Variants in TXNRD2 observed in about 807,000 individuals in gnomAD.
TXNRD2 encodes thioredoxin reductase 2.
A neutral mutation model predicts 70.8 loss-of-function variants in TXNRD2; 67 were observed. That is an observed-to-expected ratio of 0.95 (90% CI 0.78 to 1.16). TXNRD2 has a LOEUF of 1.16. Among genes scored for constraint, TXNRD2 ranks in the 50% most tolerant of loss-of-function variants. TXNRD2 has a pLI of 0.00. For synonymous variants in TXNRD2, 301 were observed against 295.8 expected, an observed-to-expected ratio of 1.02 and a Z score of -0.18; for missense variants, 644 against 719.9, an observed-to-expected ratio of 0.89 and a Z score of 1.21.
At position 19,915,097 on chromosome 22, in the gene TXNRD2, TA is replaced by T; in HGVS notation, c.591+116del. 6.5e-6 allele frequency: 6 copies of T among 921,236 alleles called. No homozygotes were observed. The Admixed American group carries it at 8.0e-5, about 12-fold the overall frequency. 57.1% of individuals were successfully genotyped at this position (921,236 alleles called of 1,614,324 possible). A position where few individuals can be genotyped will look rare whatever the true frequency, so the allele number is the denominator to read the frequency against. The stretch of plus-strand genomic sequence containing the variant: ...AAGCAGAAAGTGATGATAGTGAGTA[TA>T]GGGGGAAAGGGTGTGCAAGCTGCTG... On this transcript the variant is annotated intron_variant, in intron 7 of 17. Transcript: ENST00000400521.
chr22:19,909,972 C>CAA (rs1940332267), intron 8 of TXNRD2, among the ~76,000 whole-genome samples: 1 of 140,542 alleles, frequency 7.1e-6, no homozygotes, highest in East Asian at 2.1e-4. Flanking sequence ...ACACACACAC[C>CAA]ACACACACCA....
At position 19,883,394 on chromosome 22, in the gene TXNRD2, C is replaced by G; in HGVS notation, c.1017G>C (p.Gln339His). The G allele has an allele frequency of 6.2e-7, 1 of 1,614,080 alleles. No homozygotes were observed. Among genetic ancestry groups the G allele is most frequent in the Non-Finnish European group, 8.5e-7 (1 of 1,180,034 alleles). ...KAGVDTSPDTQKILVDSREAT... is the reference protein window; with the variant it reads ...KAGVDTSPDTHKILVDSREAT... Reference sequence around the variant, plus strand: ...CTTCCCGGGAGTCCACCAGGATCTTCTGAGTGTCGGGGCTAGTATCTACCC... The same window carrying G: ...CTTCCCGGGAGTCCACCAGGATCTTGTGAGTGTCGGGGCTAGTATCTACCC... Residue 339 changes from glutamine to histidine, a missense_variant, in exon 12 of 18, where the codon CAG (glutamine) becomes CAC (histidine). Physicochemically the swap from Gln to His is conservative, Grantham distance 24 (BLOSUM62 0). Coordinates refer to ENST00000400521, the MANE Select transcript of TXNRD2 (RefSeq NM_006440.5).
chr22:19,898,038 C>A lies in TXNRD2; in HGVS notation c.774+1G>T. ...GCGGGAGCTGGGGCCTCCAGCACTA[C>A]CTGGTCGAAGCCGCGGAGGGGGATG... is the stretch of plus-strand genomic sequence containing the variant. On this transcript the variant is annotated splice_donor_variant, in intron 10 of 17. Coordinates refer to ENST00000400521, the MANE Select transcript of TXNRD2 (RefSeq NM_006440.5). LOFTEE classifies it high-confidence loss of function. The A allele has an allele frequency of 6.4e-7, 1 of 1,553,512 alleles. No homozygotes were observed. The highest frequency in any genetic ancestry group is 2.4e-5 in the East Asian group (1 of 41,108).
In TXNRD2 at chr22:19,931,067, G is replaced by GACC. The variant is rs776261862; in HGVS notation, c.132_134dup (p.Val45dup). ...AAGCCAGGCCACCAGATCCCCCGCC[G>GACC]ACCACCAGGAGATCATAGTCCCGCT... is the stretch of plus-strand genomic sequence containing the variant. On this transcript the variant is annotated inframe_insertion, in exon 2 of 18. Transcript: ENST00000400521. 14 of 1,613,574 alleles carry GACC rather than the reference G, an allele frequency of 8.7e-6. No individual in the cohort carries two copies. The South Asian group carries it at 1.2e-4, about 14-fold the overall frequency.
intron 2 of TXNRD2, among the ~76,000 whole-genome samples, chr22:19,930,437 G>T (rs1941313996): frequency 6.6e-6 from 1 of 152,176 alleles, no homozygotes; most frequent in Non-Finnish European, 1.5e-5. Flanking sequence ...CATCACGTGG[G>T]TTAGCAGAGA....
chr22:19,925,456 A>G (rs1330320922), intron 2 of TXNRD2, among the ~76,000 whole-genome samples: 1 of 151,952 alleles, frequency 6.6e-6, no homozygotes, highest in Non-Finnish European at 1.5e-5. Context: ...GATCCTCACA[A>G]AGGAATGAAG....
chr22:19,880,471 C>T (rs890720972), intron 13 of TXNRD2, 151 bp downstream of exon 13: 21 of 854,068 alleles, frequency 2.5e-5, no homozygotes, highest in African/African-American at 5.0e-5. Context: ...TGCACACACA[C>T]GTGTGTACAA....
At chr22:19,913,561 G>C (rs2146031695) in intron 7 of TXNRD2, among the ~76,000 whole-genome samples, 1 of 152,342 alleles carries the variant, frequency 6.6e-6, no homozygotes, top group African/African-American at 2.4e-5. Context: ...TGCCTGAGGG[G>C]ATAGGTAACA....
At chr22:19,918,007 C>T (rs1015632096) in intron 5 of TXNRD2, 136 bp downstream of exon 5, 2 of 753,478 alleles carry the variant, frequency 2.7e-6, no homozygotes, top group South Asian at 1.5e-5. Context: ...TTGTCCTCAT[C>T]CCCACCCATG....
In TXNRD2 at chr22:19,919,610, A is replaced by G. The variant is rs1300017242; in HGVS notation, c.173-11T>C. On this transcript the variant is annotated splice_polypyrimidine_tract_variant and intron_variant, in intron 2 of 17. Transcript: ENST00000400521. ...TTCCCAGCTGGGCGGCTGGAAGGAT[A>G]AGGAGAGCAGCAGGTGAGCATGGGG... 3.2e-6 allele frequency: 5 copies of G among 1,556,732 alleles called. No homozygotes were observed. The highest frequency in any genetic ancestry group is 4.3e-6 in the Non-Finnish European group (5 of 1,150,672).
intron 12 of TXNRD2, among the ~76,000 whole-genome samples, chr22:19,882,373 A>C (rs180974706): frequency 4.5e-4 from 69 of 152,082 alleles, no homozygotes; most frequent in Non-Finnish European, 8.1e-4. Context: ...TAATTTTTGT[A>C]TTTTTTTAGT....
chr22:19,905,316 A>G (rs1279029685), intron 8 of TXNRD2, among the ~76,000 whole-genome samples: 2 of 152,218 alleles, frequency 1.3e-5, no homozygotes, highest in African/African-American at 4.8e-5. Flanking sequence ...TAAACGAAAG[A>G]GCTTTAAAAA....
intron 2 of TXNRD2, among the ~76,000 whole-genome samples, chr22:19,926,945 A>G (rs949479814): frequency 3.3e-5 from 5 of 152,204 alleles, no homozygotes; most frequent in African/African-American, 9.6e-5. Flanking sequence ...ATGTTCTTGA[A>G]TAACACAGGT....
chr22:19,912,397 C>G (rs1221935862), intron 7 of TXNRD2, among the ~76,000 whole-genome samples: 2 of 151,948 alleles, frequency 1.3e-5, no homozygotes, highest in African/African-American at 4.8e-5. Context: ...TGCCTGCCTC[C>G]TAAGGACCAG....
intron 7 of TXNRD2, chr22:19,914,756 T>C (rs1940559323): frequency 3.8e-6 from 1 of 260,284 alleles, no homozygotes; most frequent in Non-Finnish European, 7.6e-6. Flanking sequence ...GTGAATGTAC[T>C]AAAAACCACT....
chr22:19,908,920 G>A (rs1940191456), intron 8 of TXNRD2, among the ~76,000 whole-genome samples: 1 of 152,110 alleles, frequency 6.6e-6, no homozygotes, highest in Non-Finnish European at 1.5e-5. Flanking sequence ...AATGGTTAAC[G>A]TGGGCTGGGC....
chr22:19,919,561 C>T lies in TXNRD2; in HGVS notation c.211G>A (p.Val71Met), dbSNP rs867369272. ...LGRKVAVVDY[V>M]EPSPQGTRWG... ...TGCCTACCTTGGGGAGAAGGTTCCA[C>T]GTAGTCCACCACGGCCACCTTCCTT... The change falls in exon 3 of 18, where the codon GTG (valine) becomes ATG (methionine). Residue 71 changes from valine (V) to methionine (M), a missense_variant. This residue lies in a region of TXNRD2 where 566 missense variants were observed against 645.0 expected (regional missense o/e 0.88). Coordinates refer to ENST00000400521, the MANE Select transcript of TXNRD2 (RefSeq NM_006440.5). 10 of 1,563,088 alleles carry T rather than the reference C, an allele frequency of 6.4e-6. No individual in the cohort carries two copies. In the Admixed American group the frequency reaches 9.6e-5, roughly 15 times the overall value.
chr22:19,888,387 A>G (rs180843698), intron 11 of TXNRD2, among the ~76,000 whole-genome samples: 28 of 152,328 alleles, frequency 1.8e-4, no homozygotes, highest in Admixed American at 9.8e-4. Flanking sequence ...GGTCACTCCC[A>G]TCTATTCTGA....
At chr22:19,892,856 A>G (rs988791577) in intron 11 of TXNRD2, among the ~76,000 whole-genome samples, 1 of 152,176 alleles carries the variant, frequency 6.6e-6, no homozygotes, top group East Asian at 1.9e-4. Flanking sequence ...CCATCAGTAC[A>G]CTCCAGAGTC....
Sources: allele counts gnomAD v4.1 joint callset (sites outside exome capture counted in the v4.1 genomes callset), GRCh38; gene constraint gnomAD v4.1.1; regional missense constraint gnomAD v4.1.1; transcripts MANE v1.5; gene names NCBI Gene and HGNC (gene_info 2026-07-23, HGNC 2026-07-21).